CNTN3: variants seen among roughly 807,000 people sequenced by gnomAD.
CNTN3 encodes the protein contactin-3.
In CNTN3, 60 loss-of-function variants were observed where a neutral mutation model predicts 119.1. That is an observed-to-expected ratio of 0.50 (90% CI 0.41 to 0.62). The LOEUF (loss-of-function observed/expected upper bound fraction) is 0.62. Among genes scored for constraint, CNTN3 ranks in the 20% least tolerant of loss-of-function variants. CNTN3 has a pLI of 0.00. For missense variants in CNTN3, 1,101 were observed against 1,242.4 expected (o/e 0.89, Z 1.71); for synonymous variants, 450 against 438.7 (o/e 1.03, Z -0.32).
intron 1 of CNTN3, among the ~76,000 whole-genome samples, chr3:74,562,325 GT>G (rs2107175417): frequency 6.6e-6 from 1 of 152,256 alleles, no homozygotes; most frequent in East Asian, 1.9e-4. Context: ...TTCCCAAAAT[GT>G]GTTTTCCTCT....
chr3:74,321,080 A>C (rs1036228392), intron 13 of CNTN3, among the ~76,000 whole-genome samples: 1 of 152,174 alleles, frequency 6.6e-6, no homozygotes, highest in Non-Finnish European at 1.5e-5. Context: ...GGAGCTAAAC[A>C]CTGGGTATAC....
At position 74,369,891 on chromosome 3, in the gene CNTN3, T is replaced by G. The variant is rs1418667841; in HGVS notation, c.759A>C (p.Gly253=). 6.3e-7 allele frequency: 1 copy of G among 1,580,232 alleles called. No individual in the cohort carries two copies. Among genetic ancestry groups the G allele is most frequent in the African/African-American group, 1.4e-5 (1 of 73,746 alleles). Residue 253 remains glycine, a splice_region_variant and synonymous_variant, in exon 7 of 23, where the codon GGA becomes GGC. Coordinates refer to ENST00000263665, the MANE Select transcript of CNTN3 (RefSeq NM_020872.3). ...STVKLECFAL[G]NPIPQINWRR... is the part of the protein sequence containing the mutation. ...GGAGTAAATGTTATAAAACTTACTT[T>G]CCAAGGGCAAAACATTCCAATTTCA... is the stretch of plus-strand genomic sequence containing the variant.
At chr3:74,514,075 T>C (rs1703412500) in intron 2 of CNTN3, among the ~76,000 whole-genome samples, 1 of 152,086 alleles carries the variant, frequency 6.6e-6, no homozygotes, top group South Asian at 2.1e-4. Context: ...AATAAAGTGT[T>C]ATTTTTTCAA....
intron 4 of CNTN3, among the ~76,000 whole-genome samples, chr3:74,480,218 C>T (rs1223359915): frequency 6.6e-6 from 1 of 151,996 alleles, no homozygotes; most frequent in Non-Finnish European, 1.5e-5. Flanking sequence ...CACAGGCAGG[C>T]CAAAATTTGT....
intron 2 of CNTN3, among the ~76,000 whole-genome samples, chr3:74,509,499 T>C (rs62268704): frequency 0.3 from 45,758 of 151,998 alleles, 8,384 homozygotes; most frequent in Non-Finnish European, 0.42. Flanking sequence ...GGTTTCGCCA[T>C]GTTGGCCAGG....
intron 1 of CNTN3, among the ~76,000 whole-genome samples, chr3:74,607,183 G>C (rs529524020): frequency 6.6e-6 from 1 of 151,382 alleles, no homozygotes; most frequent in Non-Finnish European, 1.5e-5. Flanking sequence ...GTCACACACA[G>C]CCGACTTTGG....
chr3:74,382,883 T>A (rs982928583), intron 5 of CNTN3, among the ~76,000 whole-genome samples: 6 of 152,232 alleles, frequency 3.9e-5, no homozygotes, highest in Non-Finnish European at 7.3e-5. Context: ...TGATTGAAAG[T>A]AGTTTTTACG....
At chr3:74,460,492 A>T (rs1400185955) in intron 4 of CNTN3, among the ~76,000 whole-genome samples, 1 of 151,834 alleles carries the variant, frequency 6.6e-6, no homozygotes, top group Non-Finnish European at 1.5e-5. Context: ...CAGCATAAAG[A>T]TCCTGTACAT....
chr3:74,547,207 C>T (rs938581433), intron 1 of CNTN3, among the ~76,000 whole-genome samples: 2 of 152,168 alleles, frequency 1.3e-5, no homozygotes, highest in Non-Finnish European at 2.9e-5. Flanking sequence ...ATAAAATTTA[C>T]AGATATTGTT....
chr3:74,323,412 T>C (rs1402485454), intron 13 of CNTN3, among the ~76,000 whole-genome samples: 1 of 152,208 alleles, frequency 6.6e-6, no homozygotes, highest in Non-Finnish European at 1.5e-5. Flanking sequence ...ATAGAGAAAG[T>C]AGATCGGTGG....
intron 8 of CNTN3, among the ~76,000 whole-genome samples, chr3:74,366,808 A>ATATATAT (rs1553650589): frequency 1.8e-4 from 23 of 127,950 alleles, no homozygotes; most frequent in South Asian, 2.5e-4. Flanking sequence ...ATATATATAT[A>ATATATAT]ACTTGCTCAG....
At chr3:74,569,161 C>T (rs576855903) in intron 1 of CNTN3, among the ~76,000 whole-genome samples, 18 of 152,318 alleles carry the variant, frequency 1.2e-4, no homozygotes, top group African/African-American at 4.1e-4. Context: ...TTTCTGTCTG[C>T]TCTGCCTCTA....
chr3:74,513,889 C>A (rs777515137), intron 2 of CNTN3, among the ~76,000 whole-genome samples: 2 of 151,620 alleles, frequency 1.3e-5, no homozygotes, highest in Non-Finnish European at 2.9e-5. Flanking sequence ...GACTTGCTTA[C>A]TTCCTTAGTT....
intron 1 of CNTN3, among the ~76,000 whole-genome samples, chr3:74,550,411 T>G (rs1703973029): frequency 6.6e-6 from 1 of 152,152 alleles, no homozygotes; most frequent in African/African-American, 2.4e-5. Context: ...AAGTTCTTAG[T>G]TTCAAAACTT....
At chr3:74,475,649 G>A (rs1036217441) in intron 4 of CNTN3, among the ~76,000 whole-genome samples, 6 of 152,084 alleles carry the variant, frequency 3.9e-5, no homozygotes, top group African/African-American at 7.2e-5. Context: ...CCAAAAATTC[G>A]ATCTGCTGGG....
Position 74,614,433 on chromosome 3 carries a change from T to TCGC in CNTN3, c.-126_-124dup, listed in dbSNP as rs548175205. ...CCAGACGCCCGCCCCGACGGCCCACTCGCCGCCGCCGCCGCCGCCGCCGCC... is the reference window on the plus strand; with the variant it reads ...CCAGACGCCCGCCCCGACGGCCCACTCGCCGCCGCCGCCGCCGCCGCCGCCGCC... On this transcript the variant is annotated 5_prime_UTR_variant, in exon 1 of 23. Coordinates refer to ENST00000263665, the MANE Select transcript of CNTN3 (RefSeq NM_020872.3). Among the ~76,000 whole-genome samples the TCGC allele has an allele frequency of 0.11, 15,767 of 145,356 alleles. 1,029 individuals are homozygous for TCGC. The highest frequency in any genetic ancestry group is 0.23 in the East Asian group (1,095 of 4,822).
chr3:74,394,010 C>T (rs1704983413), intron 5 of CNTN3, among the ~76,000 whole-genome samples: 1 of 152,098 alleles, frequency 6.6e-6, no homozygotes, highest in South Asian at 2.1e-4. Context: ...AGATATTGTG[C>T]AGCAGAATAA....
At chr3:74,421,511 C>T (rs1478894587) in intron 5 of CNTN3, among the ~76,000 whole-genome samples, 1 of 152,112 alleles carries the variant, frequency 6.6e-6, no homozygotes, top group African/African-American at 2.4e-5. Flanking sequence ...TTTGCTTACT[C>T]TGTTAGGCTG....
At chr3:74,523,571 A>G (rs1449971846) in intron 1 of CNTN3, among the ~76,000 whole-genome samples, 1 of 151,840 alleles carries the variant, frequency 6.6e-6, no homozygotes, top group Non-Finnish European at 1.5e-5. Flanking sequence ...CAGTATATAC[A>G]CGAAATCTAA....
Sources: gnomAD v4.1 joint callset for allele counts (sites outside exome capture counted in the v4.1 genomes callset) on GRCh38, gnomAD v4.1.1 for gene constraint, MANE v1.5 for transcripts, NCBI Gene and HGNC (gene_info 2026-07-23, HGNC 2026-07-21) for gene names.